PTPRO: variants seen among roughly 807,000 people sequenced by gnomAD.
PTPRO encodes the protein protein tyrosine phosphatase receptor type O.
A neutral mutation model predicts 145.2 loss-of-function variants in PTPRO; 62 were observed. The ratio of observed to expected loss-of-function variants is 0.43; its 90% CI spans 0.35 to 0.53. The LOEUF is 0.53. Ranked by LOEUF, PTPRO falls within the 20% of genes least tolerant of loss-of-function variation. PTPRO has a pLI of 0.01. For missense variants in PTPRO, 1,345 were observed against 1,482.7 expected, an observed-to-expected ratio of 0.91 and a Z score of 1.53; for synonymous variants, 565 against 514.7, an observed-to-expected ratio of 1.10 and a Z score of -1.32.
At chr12:15,428,657 T>C (rs2136337194) in intron 1 of PTPRO, among the ~76,000 whole-genome samples, 1 of 152,256 alleles carries the variant, frequency 6.6e-6, no homozygotes, top group South Asian at 2.1e-4. Context: ...AAACACAAAA[T>C]ATTACTGTTT....
At chr12:15,585,409 T>A (rs368927258) in intron 23 of PTPRO, among the ~76,000 whole-genome samples, 2 of 152,198 alleles carry the variant, frequency 1.3e-5, no homozygotes, top group African/African-American at 4.8e-5. Context: ...GACTTCATGT[T>A]CTGTGTGTCT....
intron 1 of PTPRO, among the ~76,000 whole-genome samples, chr12:15,470,369 C>T (rs545642614): frequency 1.3e-5 from 2 of 152,276 alleles, no homozygotes; most frequent in East Asian, 3.9e-4. Flanking sequence ...TGAATTGAGA[C>T]AGTAACTTAA....
chr12:15,524,956 TAA>T lies in PTPRO; in HGVS notation c.2038_2039del (p.Lys680GlufsTer20). On this transcript the variant is annotated frameshift_variant, in exon 11 of 27. Coordinates refer to ENST00000281171, the MANE Select transcript of PTPRO (RefSeq NM_030667.3). LOFTEE classifies it high-confidence loss of function. ...TGGTTGCAGAAGGAAAAAAGAAAAT[TAA>T]AAAGAGTGTATGTTTCTTTGAATGC... is the stretch of plus-strand genomic sequence containing the variant. Reference protein sequence around the residue: ...MVVAEGKKKIKKSVTRNVMTA... With the variant: ...MVVAEGKKKIXKSVTRNVMTA... 6.2e-7 allele frequency: 1 copy of T among 1,613,916 alleles called. No individual in the cohort carries two copies. Among genetic ancestry groups the T allele is most frequent in the Non-Finnish European group, 8.5e-7 (1 of 1,179,932 alleles).
In PTPRO at chr12:15,508,611, G is replaced by T. The variant is rs747588432; in HGVS notation, c.1308G>T (p.Pro436=). The change falls in exon 7 of 27, where the codon CCG becomes CCT. Residue 436 remains proline, a synonymous_variant. Coordinates refer to ENST00000281171, the MANE Select transcript of PTPRO (RefSeq NM_030667.3). ...GEWIEELTEK[P]QHVSVHVLSS... The stretch of plus-strand genomic sequence containing the variant: ...GGATTGAAGAACTGACCGAGAAGCC[G>T]CAGCACGTGAGTGTCCACGTTTTAA... 1 of 1,614,048 alleles carries T rather than the reference G, an allele frequency of 6.2e-7. No individual in the cohort carries two copies. The highest frequency in any genetic ancestry group is 8.5e-7 in the Non-Finnish European group (1 of 1,179,992).
At chr12:15,583,585 C>T (rs1565445857) in intron 23 of PTPRO, among the ~76,000 whole-genome samples, 2 of 152,002 alleles carry the variant, frequency 1.3e-5, no homozygotes, top group African/African-American at 4.8e-5. Flanking sequence ...CCATATATAA[C>T]ATTTTATTAG....
rs775704326 is a variant in PTPRO at position 15,580,080 on chromosome 12, G to A, written c.2962G>A (p.Glu988Lys). The A allele has an allele frequency of 6.2e-7, 1 of 1,613,132 alleles. No individual in the cohort carries two copies. Among genetic ancestry groups the A allele is most frequent in the East Asian group, 2.2e-5 (1 of 44,834 alleles). The change falls in exon 21 of 27, where the codon GAA becomes AAA. Residue 988 changes from glutamate to lysine, a missense_variant. Physicochemically the swap from Glu to Lys is moderately conservative, Grantham distance 56 (BLOSUM62 1). Coordinates refer to ENST00000281171, the MANE Select transcript of PTPRO (RefSeq NM_030667.3). ...GAGATTAGTCTCCATGAATGAAGAG[G>A]AAGGTGCAGACTACATCAATGCCAA... ...RVRLVSMNEE[E>K]GADYINANYI...
chr12:15,443,418 C>A (rs946116387), intron 1 of PTPRO, among the ~76,000 whole-genome samples: 3 of 152,048 alleles, frequency 2.0e-5, no homozygotes, highest in African/African-American at 7.2e-5. Context: ...CTAGGAAACA[C>A]CAATCTGGAC....
chr12:15,596,882 T>C lies in PTPRO; in HGVS notation c.*809T>C, dbSNP rs1944669487. On this transcript the variant is annotated 3_prime_UTR_variant, in exon 27 of 27. Coordinates refer to ENST00000281171, the MANE Select transcript of PTPRO (RefSeq NM_030667.3). ...ACATCTGGTTCAGAAGAGTGTCAAG[T>C]TGGACTCTTTGAACTCTGTTGCTGT... 6.6e-6 allele frequency: 1 copy of C among 152,652 alleles called. No individual in the cohort carries two copies. Among genetic ancestry groups the C allele is most frequent in the Non-Finnish European group, 1.5e-5 (1 of 68,042 alleles). The allele number at this position is 152,652 out of a possible 1,614,324, so 9.5% of individuals were successfully genotyped here.
intron 1 of PTPRO, among the ~76,000 whole-genome samples, chr12:15,330,942 T>G (rs1196860881): frequency 6.6e-6 from 1 of 152,112 alleles, no homozygotes; most frequent in Non-Finnish European, 1.5e-5. Flanking sequence ...GGTAGACCTT[T>G]GAGTTTGAAG....
intron 1 of PTPRO, among the ~76,000 whole-genome samples, chr12:15,428,243 C>A (rs1940337092): frequency 1.3e-5 from 2 of 152,028 alleles, no homozygotes; most frequent in Non-Finnish European, 2.9e-5. Flanking sequence ...TCATTCAGAG[C>A]CATTACGACA....
intron 26 of PTPRO, chr12:15,595,481 C>G: frequency 4.9e-6 from 1 of 203,104 alleles, no homozygotes. Context: ...CTCCTAAAAC[C>G]AAAAACAACA....
At chr12:15,344,082 G>A (rs1489728209) in intron 1 of PTPRO, among the ~76,000 whole-genome samples, 1 of 152,158 alleles carries the variant, frequency 6.6e-6, no homozygotes, top group Non-Finnish European at 1.5e-5. Flanking sequence ...TCATTGTCAG[G>A]TTCTAACTAA....
intron 4 of PTPRO, among the ~76,000 whole-genome samples, chr12:15,500,793 G>T (rs1318743802): frequency 6.6e-6 from 1 of 152,044 alleles, no homozygotes; most frequent in African/African-American, 2.4e-5. Flanking sequence ...ATGGTGGCTG[G>T]TGCCTGTAAT....
At chr12:15,504,546 C>G (rs1942283502) in intron 6 of PTPRO, among the ~76,000 whole-genome samples, 1 of 152,148 alleles carries the variant, frequency 6.6e-6, no homozygotes, top group Admixed American at 6.5e-5. Flanking sequence ...CTAGAGCAAC[C>G]TGAAAGTCCC....
At chr12:15,405,863 C>T (rs959851365) in intron 1 of PTPRO, among the ~76,000 whole-genome samples, 1 of 151,862 alleles carries the variant, frequency 6.6e-6, no homozygotes, top group African/African-American at 2.4e-5. Flanking sequence ...TGAAGCAGAA[C>T]CAAGGGAGAA....
intron 1 of PTPRO, among the ~76,000 whole-genome samples, chr12:15,460,298 T>C (rs550011119): frequency 4.6e-5 from 7 of 152,258 alleles, no homozygotes; most frequent in Non-Finnish European, 8.8e-5. Flanking sequence ...TTATTAGAAA[T>C]GTGGAATTGC....
At chr12:15,461,965 A>G (rs1197115107) in intron 1 of PTPRO, among the ~76,000 whole-genome samples, 2 of 152,044 alleles carry the variant, frequency 1.3e-5, no homozygotes, top group African/African-American at 4.8e-5. Context: ...AAAGCTGACC[A>G]TGTTCATCTC....
chr12:15,434,083 C>T (rs1940527827), intron 1 of PTPRO, among the ~76,000 whole-genome samples: 2 of 152,166 alleles, frequency 1.3e-5, no homozygotes, highest in Non-Finnish European at 2.9e-5. Flanking sequence ...TTATTCAGTA[C>T]ACACAGAGGT....
At chr12:15,466,577 C>CTTTA (rs1311696769) in intron 1 of PTPRO, among the ~76,000 whole-genome samples, 4 of 152,096 alleles carry the variant, frequency 2.6e-5, no homozygotes, top group South Asian at 4.2e-4. Flanking sequence ...CTTTTTAGAC[C>CTTTA]ATCAAAATTA....
Sources: allele counts gnomAD v4.1 joint callset (sites outside exome capture counted in the v4.1 genomes callset), GRCh38; gene constraint gnomAD v4.1.1; transcripts MANE v1.5; gene names NCBI Gene and HGNC (gene_info 2026-07-23, HGNC 2026-07-21).